Variants in NDRG4 observed in about 807,000 individuals in gnomAD.
NDRG4 encodes the protein protein NDRG4.
In NDRG4, 38 loss-of-function variants were observed where a neutral mutation model predicts 55.8. That is an observed-to-expected ratio of 0.68 (90% CI 0.53 to 0.89). The LOEUF (loss-of-function observed/expected upper bound fraction) is 0.89. Ranked by LOEUF, NDRG4 falls within the 40% of genes least tolerant of loss-of-function variation. The pLI, the probability that NDRG4 is intolerant of heterozygous loss-of-function variation, is 0.00. For missense variants in NDRG4, 455 were observed against 468.6 expected (o/e 0.97, Z 0.27); for synonymous variants, 190 against 182.7 (o/e 1.04, Z -0.32).
chr16:58,465,317 G>A (rs906489958), intron 1 of NDRG4: 2 of 425,502 alleles, frequency 4.7e-6, no homozygotes, highest in East Asian at 1.5e-4. Flanking sequence ...GCAGAGCCCC[G>A]GAGCCCTGTT....
rs1028370131 is a variant in NDRG4 at position 58,505,713 on chromosome 16, C to CTTTTTT, written c.373-653_373-648dup. On this transcript the variant is annotated intron_variant, in intron 5 of 14. Coordinates refer to ENST00000570248, the MANE Select transcript of NDRG4 (RefSeq NM_001242835.2). ...ATTTATATCATGAGGGCTTCATTTT[C>CTTTTTT]TTTTTTTTTTTTTTTTTTTTTTTTT... Among the ~76,000 whole-genome samples the CTTTTTT allele has an allele frequency of 2.8e-3, 164 of 58,642 alleles. 2 individuals are homozygous for CTTTTTT. The highest frequency in any genetic ancestry group is 4.0e-3 in the Non-Finnish European group (128 of 32,330). 38.5% of individuals were successfully genotyped at this position (58,642 alleles called of 152,430 possible). A position where few individuals can be genotyped will look rare whatever the true frequency, so the allele number is the denominator to read the frequency against.
upstream of NDRG4, among the ~76,000 whole-genome samples, chr16:58,498,692 C>G (rs1460665441): frequency 6.6e-6 from 1 of 152,160 alleles, no homozygotes; most frequent in Non-Finnish European, 1.5e-5. Context: ...CTAGGGCTAT[C>G]TCAGGCTCTG....
At position 58,504,342 on chromosome 16, in the gene NDRG4, T is replaced by A. The variant is rs750965710; in HGVS notation, c.249-17T>A. 3.1e-6 allele frequency: 5 copies of A among 1,613,826 alleles called. No homozygotes were observed. The South Asian group carries it at 5.5e-5, about 18-fold the overall frequency. ...CTGAGGCCACACCTGGGCCCTGACC[T>A]CCTGCTCTGCCTGCAGGTACCAGTT... On this transcript the variant is annotated splice_polypyrimidine_tract_variant and intron_variant, in intron 3 of 14. Transcript: ENST00000570248.
intron 2 of NDRG4, chr16:58,494,859 A>T: frequency 6.8e-6 from 6 of 876,526 alleles, no homozygotes; most frequent in Non-Finnish European, 1.1e-5. Context: ...AAAAGAAAAG[A>T]GAAAAGACAG....
At chr16:58,479,495 A>G (rs1421697096) in intron 1 of NDRG4, among the ~76,000 whole-genome samples, 1 of 152,226 alleles carries the variant, frequency 6.6e-6, no homozygotes, top group Non-Finnish European at 1.5e-5. Flanking sequence ...TGCAGAACTG[A>G]CAGATATTTG....
intron 1 of NDRG4, among the ~76,000 whole-genome samples, chr16:58,472,467 C>G (rs955549176): frequency 2.0e-5 from 3 of 152,194 alleles, no homozygotes; most frequent in Admixed American, 2.0e-4. Flanking sequence ...CACGTAGGGC[C>G]CTCTGACCCC....
rs544644620 is a variant in NDRG4, at chr16:58,491,168, C to T, written c.72+3318C>T. On this transcript the variant is annotated intron_variant, in intron 2 of 15. Transcript: ENST00000258187. ...GTGAGCTCCTATAATCCCAGCTACT[C>T]GGGAGGCTGAGGCAGGAGAATCACT... Among the ~76,000 whole-genome samples, 13 of 151,814 alleles carry T rather than the reference C, an allele frequency of 8.6e-5. No homozygotes were observed. In the East Asian group the frequency reaches 9.7e-4, roughly 11 times the overall value.
Position 58,511,816 on chromosome 16 carries a change from C to CTGTG in NDRG4, c.*240_*241insTGTG. The CTGTG allele has an allele frequency of 3.5e-6, 2 of 579,166 alleles. No homozygotes were observed. Among genetic ancestry groups the CTGTG allele is most frequent in the Non-Finnish European group, 6.3e-6 (2 of 315,618 alleles). The allele number at this position is 579,166 out of a possible 1,614,324, so 35.9% of individuals were successfully genotyped here. A position where few individuals can be genotyped will look rare whatever the true frequency, so the allele number is the denominator to read the frequency against. Reference sequence around the variant, plus strand: ...TTAGCCAACTTGACCCCTCTCATCCCACTCCCGGCGGCCCAGGCACAGAAG... The same window carrying CTGTG: ...TTAGCCAACTTGACCCCTCTCATCCCTGTGACTCCCGGCGGCCCAGGCACAGAAG... On this transcript the variant is annotated 3_prime_UTR_variant, in exon 15 of 15. Transcript: ENST00000570248.
intron 1 of NDRG4, among the ~76,000 whole-genome samples, chr16:58,470,635 G>A (rs1386507851): frequency 1.3e-5 from 2 of 151,696 alleles, no homozygotes; most frequent in Admixed American, 6.6e-5. Flanking sequence ...GGCTGGGTGC[G>A]GTGGCTCACA....
At chr16:58,506,297 G>C (rs953842050) in intron 5 of NDRG4, 90 bp from the exon 6 acceptor site, 2 of 1,312,408 alleles carry the variant, frequency 1.5e-6, no homozygotes, top group East Asian at 4.6e-5. Flanking sequence ...CCGGGTGGCT[G>C]ATCAGCAGCA....
chr16:58,506,229 A>G, intron 5 of NDRG4, 158 bp from the exon 6 acceptor site: 1 of 736,854 alleles, frequency 1.4e-6, no homozygotes, highest in Non-Finnish European at 2.5e-6. Flanking sequence ...GGGTTCAGTG[A>G]GAGGAGGACA....
intron 1 of NDRG4, among the ~76,000 whole-genome samples, chr16:58,476,492 C>T (rs150326889): frequency 2.1e-3 from 323 of 151,728 alleles, no homozygotes; most frequent in African/African-American, 7.4e-3. Context: ...TTTATGAAAG[C>T]GCTGTGTTAT....
chr16:58,478,373 T>A (rs2033963447), intron 1 of NDRG4, among the ~76,000 whole-genome samples: 1 of 141,328 alleles, frequency 7.1e-6, no homozygotes, highest in African/African-American at 2.6e-5. Context: ...TGGGCGACAA[T>A]ATGAGACTCC....
intron 10 of NDRG4, among the ~76,000 whole-genome samples, chr16:58,508,570 T>A (rs1367364122): frequency 6.6e-6 from 1 of 151,920 alleles, no homozygotes; most frequent in African/African-American, 2.4e-5. Flanking sequence ...CACTGGGAGG[T>A]CCTGGAAGAG....
downstream of NDRG4, among the ~76,000 whole-genome samples, chr16:58,515,177 A>C (rs553510377): frequency 6.6e-6 from 1 of 152,140 alleles, no homozygotes; most frequent in African/African-American, 2.4e-5. Context: ...TGCGTCGCTC[A>C]CCACCGGCCG....
intron 1 of NDRG4, among the ~76,000 whole-genome samples, chr16:58,471,148 T>C (rs989816122): frequency 2.0e-5 from 3 of 147,688 alleles, no homozygotes; most frequent in African/African-American, 7.4e-5. Context: ...ATTTTGAACA[T>C]CTGACCTCCA....
In NDRG4 at chr16:58,494,021, C is replaced by T. The variant is rs535537515; in HGVS notation, c.73-943C>T. On this transcript the variant is annotated intron_variant, in intron 2 of 15. Coordinates refer to the NDRG4 transcript ENST00000258187. ...CCAGCCCCCGCTCCTCCCCAGCCAT[C>T]TGTGCAGCCTCGTAACCTGTGGGTG... Among the ~76,000 whole-genome samples the T allele has an allele frequency of 2.1e-4, 32 of 152,352 alleles. 1 individual carries two copies. Among genetic ancestry groups the T allele is most frequent in the Admixed American group, 1.8e-3 (27 of 15,310 alleles).
chr16:58,494,832 T>TAG, intron 2 of NDRG4: 1 of 543,818 alleles, frequency 1.8e-6, no homozygotes, highest in Non-Finnish European at 3.1e-6. Flanking sequence ...ACCCTGTCTC[T>TAG]AAAAAAAAAA....
At chr16:58,505,142 G>T (rs561271454) in intron 5 of NDRG4, among the ~76,000 whole-genome samples, 6 of 152,234 alleles carry the variant, frequency 3.9e-5, no homozygotes, top group South Asian at 2.1e-4. Context: ...GAGGTCAGGA[G>T]ATCAAGACCA....
Sources: allele counts gnomAD v4.1 joint callset (sites outside exome capture counted in the v4.1 genomes callset), GRCh38; gene constraint gnomAD v4.1.1; transcripts MANE v1.5; gene names NCBI Gene and HGNC (gene_info 2026-07-23, HGNC 2026-07-21).